Variants in VTI1A observed in about 807,000 individuals in gnomAD.
VTI1A encodes the protein vesicle transport through interaction with t-SNAREs 1A, also known as vesicle transport through interaction with t-SNAREs homolog 1A.
In VTI1A, 22 loss-of-function variants were observed where a neutral mutation model predicts 34.9. The ratio of observed to expected loss-of-function variants is 0.63; its 90% CI spans 0.45 to 0.90. The LOEUF is 0.90. Among genes scored for constraint, VTI1A ranks in the 40% least tolerant of loss-of-function variants. VTI1A has a pLI of 0.00. For synonymous variants in VTI1A, 87 were observed against 97.3 expected (o/e 0.89, Z 0.62); for missense variants, 268 against 275.6 (o/e 0.97, Z 0.20).
chr10:112,662,529 ATAAACTCG>A (rs1490123358), intron 5 of VTI1A, among the ~76,000 whole-genome samples: 8 of 152,112 alleles, frequency 5.3e-5, no homozygotes, highest in African/African-American at 1.7e-4. Flanking sequence ...TTGTTTCTTG[ATAAACTCG>A]TATTTTCACC....
At chr10:112,782,610 T>C (rs866708539) in intron 7 of VTI1A, among the ~76,000 whole-genome samples, 1 of 152,242 alleles carries the variant, frequency 6.6e-6, no homozygotes, top group Non-Finnish European at 1.5e-5. Flanking sequence ...CTGTTCGAGC[T>C]GGTGCCCTAG....
the VTI1A span, among the ~76,000 whole-genome samples, chr10:112,846,549 C>T: frequency 4.6e-5 from 7 of 152,078 alleles, no homozygotes; most frequent in Non-Finnish European, 7.4e-5. Context: ...GGCTGATCAA[C>T]AGGTCAGGAG....
intron 3 of VTI1A, among the ~76,000 whole-genome samples, chr10:112,478,035 T>G (rs1441030865): frequency 6.6e-6 from 1 of 152,196 alleles, no homozygotes; most frequent in Non-Finnish European, 1.5e-5. Flanking sequence ...TTTTTTACTT[T>G]TTTGAATGAA....
At chr10:112,469,705 C>G (rs903748089) in intron 3 of VTI1A, among the ~76,000 whole-genome samples, 15 of 152,190 alleles carry the variant, frequency 9.9e-5, no homozygotes, top group Admixed American at 5.2e-4. Context: ...CCTGGGCAAC[C>G]TCTAAAATAT....
intron 3 of VTI1A, among the ~76,000 whole-genome samples, chr10:112,467,569 G>T (rs888318377): frequency 2.0e-5 from 3 of 152,210 alleles, no homozygotes; most frequent in African/African-American, 7.2e-5. Flanking sequence ...TGCTGGCCAT[G>T]GGTTGGACTA....
At chr10:112,800,701 TC>T (rs1243536812) in intron 7 of VTI1A, among the ~76,000 whole-genome samples, 1 of 152,236 alleles carries the variant, frequency 6.6e-6, no homozygotes, top group Non-Finnish European at 1.5e-5. Context: ...GGTACTGTTT[TC>T]TTTCATAGAG....
intron 7 of VTI1A, among the ~76,000 whole-genome samples, chr10:112,797,182 A>G (rs1852702666): frequency 6.6e-6 from 1 of 152,172 alleles, no homozygotes; most frequent in Non-Finnish European, 1.5e-5. Context: ...AAAGATTCTC[A>G]TTATTTTTAT....
At chr10:112,721,232 C>T (rs1849796740) in intron 7 of VTI1A, among the ~76,000 whole-genome samples, 2 of 152,184 alleles carry the variant, frequency 1.3e-5, no homozygotes. Flanking sequence ...GCTTCCTGTG[C>T]CATCTTCCAA....
chr10:112,804,252 G>A (rs2134077189), intron 7 of VTI1A, among the ~76,000 whole-genome samples: 1 of 152,276 alleles, frequency 6.6e-6, no homozygotes, highest in African/African-American at 2.4e-5. Flanking sequence ...GTCAGCATGA[G>A]GCCCAGATGG....
chr10:112,791,902 A>G (rs1438553799), intron 7 of VTI1A, among the ~76,000 whole-genome samples: 1 of 151,876 alleles, frequency 6.6e-6, no homozygotes, highest in Non-Finnish European at 1.5e-5. Flanking sequence ...TGTGTTGCAT[A>G]GCAGGGGAAA....
At chr10:112,727,819 AC>A (rs1435747892) in intron 7 of VTI1A, among the ~76,000 whole-genome samples, 3 of 151,970 alleles carry the variant, frequency 2.0e-5, no homozygotes, top group African/African-American at 7.3e-5. Flanking sequence ...CCCTTCTCTT[AC>A]CCCTTTATGT....
At chr10:112,612,322 G>A (rs1037675424) in intron 5 of VTI1A, among the ~76,000 whole-genome samples, 1 of 152,100 alleles carries the variant, frequency 6.6e-6, no homozygotes, top group African/African-American at 2.4e-5. Flanking sequence ...TTAAATTTTG[G>A]TCGTCATACA....
chr10:112,749,416 C>G lies in VTI1A; in HGVS notation c.561-65874C>G, dbSNP rs1033398763. 5.9e-5 allele frequency among the ~76,000 whole-genome samples: 9 copies of G among 152,278 alleles called. 2 individuals carry two copies. The South Asian group carries it at 1.4e-3, about 25-fold the overall frequency. ...GAAGATTGTCAAAAGTTGCACCACCCTAGTCTACAATACATCTGAATTCAG... is the reference window on the plus strand; with the variant it reads ...GAAGATTGTCAAAAGTTGCACCACCGTAGTCTACAATACATCTGAATTCAG... On this transcript the variant is annotated intron_variant, in intron 7 of 7. Coordinates refer to ENST00000393077, the MANE Select transcript of VTI1A (RefSeq NM_145206.4).
At chr10:112,680,267 G>A (rs1564880807) in intron 7 of VTI1A, among the ~76,000 whole-genome samples, 1 of 152,078 alleles carries the variant, frequency 6.6e-6, no homozygotes, top group African/African-American at 2.4e-5. Flanking sequence ...ACATTTATAT[G>A]GGACCTTATG....
chr10:112,531,215 G>A (rs927060160), intron 4 of VTI1A, among the ~76,000 whole-genome samples: 7 of 151,986 alleles, frequency 4.6e-5, no homozygotes, highest in African/African-American at 1.2e-4. Context: ...TCAAACCAGC[G>A]TAAACCAGAT....
chr10:112,839,715 T>G, the VTI1A span, among the ~76,000 whole-genome samples: 4 of 152,028 alleles, frequency 2.6e-5, no homozygotes, highest in African/African-American at 9.7e-5. Context: ...TACTCCTACC[T>G]CCACTCCAGT....
chr10:112,597,709 T>TTTG (rs1459132108), intron 5 of VTI1A, among the ~76,000 whole-genome samples: 1 of 143,818 alleles, frequency 7.0e-6, no homozygotes. Flanking sequence ...TTTTTTTTTT[T>TTTG]TTTTTTGAGA....
At chr10:112,827,183 T>C in the VTI1A span, 11 of 152,356 alleles carry the variant, frequency 7.2e-5, no homozygotes, top group East Asian at 2.1e-3. Context: ...AGAACCCGTG[T>C]AGTACATAGT....
intron 7 of VTI1A, among the ~76,000 whole-genome samples, chr10:112,772,355 G>A (rs1001754800): frequency 1.3e-5 from 2 of 152,134 alleles, no homozygotes; most frequent in Admixed American, 1.3e-4. Context: ...ATCTTCTTTG[G>A]AGATGTCTAC....
Sources: gnomAD v4.1 joint callset for allele counts (sites outside exome capture counted in the v4.1 genomes callset) on GRCh38, gnomAD v4.1.1 for gene constraint, MANE v1.5 for transcripts, NCBI Gene and HGNC (gene_info 2026-07-23, HGNC 2026-07-21) for gene names.